The following DTX1 variants were observed in gnomAD, a reference collection of about 807,000 sequenced individuals.
The protein encoded by DTX1 is deltex E3 ubiquitin ligase 1.
In DTX1, 26 loss-of-function variants were observed where a neutral mutation model predicts 57.8. That is an observed-to-expected ratio of 0.45 (90% confidence interval 0.33 to 0.62). The LOEUF (loss-of-function observed/expected upper bound fraction) is 0.62. Among genes scored for constraint, DTX1 ranks in the 20% least tolerant of loss-of-function variants. DTX1 has a pLI of 0.02. For synonymous variants in DTX1, 398 were observed against 394.1 expected, an observed-to-expected ratio of 1.01 and a Z score of -0.12; for missense variants, 704 against 895.3, an observed-to-expected ratio of 0.79 and a Z score of 2.73.
At chr12:113,088,997 A>G (rs1407412194) in intron 3 of DTX1, among the ~76,000 whole-genome samples, 1 of 152,208 alleles carries the variant, frequency 6.6e-6, no homozygotes, top group Non-Finnish European at 1.5e-5. Flanking sequence ...CCAGGACAAC[A>G]GAGCAAGATC....
chr12:113,094,622 G>T (rs771488666), intron 6 of DTX1, among the ~76,000 whole-genome samples, 167 bp from the exon 7 acceptor site: 4 of 152,188 alleles, frequency 2.6e-5, no homozygotes, highest in Non-Finnish European at 4.4e-5. Flanking sequence ...AAGAAGAAAA[G>T]AAAATAAAAC....
At chr12:113,066,493 A>C (rs1163350399) in intron 2 of DTX1, among the ~76,000 whole-genome samples, 3 of 150,806 alleles carry the variant, frequency 2.0e-5, no homozygotes, top group Non-Finnish European at 4.4e-5. Flanking sequence ...GAGCCATTGC[A>C]CTCCAGCCTG....
chr12:113,090,450 T>C (rs1950239227), intron 3 of DTX1, among the ~76,000 whole-genome samples: 1 of 152,174 alleles, frequency 6.6e-6, no homozygotes, highest in Non-Finnish European at 1.5e-5. Context: ...ACCTCCACTC[T>C]CATCCCTGCG....
chr12:113,086,874 C>A (rs942536519), intron 3 of DTX1, among the ~76,000 whole-genome samples: 4 of 148,010 alleles, frequency 2.7e-5, no homozygotes, highest in Non-Finnish European at 6.0e-5. Flanking sequence ...GTGACTGTCA[C>A]CCCGCCTCAC....
At chr12:113,092,228 G>A (rs1194479564) in intron 3 of DTX1, among the ~76,000 whole-genome samples, 1 of 152,018 alleles carries the variant, frequency 6.6e-6, no homozygotes, top group African/African-American at 2.4e-5. Flanking sequence ...ACAGCTGACA[G>A]TGATGATACC....
Position 113,057,541 on chromosome 12 carries a change from GCGCGC to G in DTX1, c.-648_-644del, listed in dbSNP as rs2044634963. On this transcript the variant is annotated 5_prime_UTR_variant, in exon 2 of 10. Coordinates refer to ENST00000548759, the MANE Select transcript of DTX1 (RefSeq NM_004416.3). ...GCCCAGCTCCGGAGCCGCAGTCCAG[GCGCGC>G]CGCCCGAGGGTCCACGCCGCACCCC... 6.6e-6 allele frequency: 1 copy of G among 151,898 alleles called. No individual in the cohort carries two copies. Among genetic ancestry groups the G allele is most frequent in the Non-Finnish European group, 1.5e-5 (1 of 67,992 alleles). 9.4% of individuals were successfully genotyped at this position (151,898 alleles called of 1,614,324 possible).
At chr12:113,066,092 C>T (rs3825200) in intron 2 of DTX1, among the ~76,000 whole-genome samples, 61,558 of 152,060 alleles carry the variant, frequency 0.4, 16,412 homozygotes, top group African/African-American at 0.76. Flanking sequence ...TGGGTTGACA[C>T]AGACACCCCC....
chr12:113,096,833 T>A lies in DTX1; in HGVS notation c.1757T>A (p.Phe586Tyr), dbSNP rs1407184048. Residue 586 changes from phenylalanine (F) to tyrosine (Y), a missense_variant, in exon 10 of 10, where the codon TTT becomes TAT. Around this residue, in one of 3 missense-constraint regions of DTX1, gnomAD observed 168 missense variants for 255.6 expected, o/e 0.66. Transcript: ENST00000548759. Reference protein sequence around the residue: ...VWNEIHHKTEFGSNLTGHGYP... With the variant: ...VWNEIHHKTEYGSNLTGHGYP... Reference sequence around the variant, plus strand: ...AACGAGATCCACCACAAGACCGAGTTTGGATCCAACCTCACGGGCCACGGC... The same window carrying A: ...AACGAGATCCACCACAAGACCGAGTATGGATCCAACCTCACGGGCCACGGC... The A allele has an allele frequency of 6.2e-7, 1 of 1,613,922 alleles. No homozygotes were observed. The highest frequency in any genetic ancestry group is 8.5e-7 in the Non-Finnish European group (1 of 1,180,016).
intron 2 of DTX1, among the ~76,000 whole-genome samples, chr12:113,065,773 G>A (rs1358634752): frequency 1.3e-5 from 2 of 152,110 alleles, no homozygotes; most frequent in Non-Finnish European, 2.9e-5. Flanking sequence ...TGTGATGAGA[G>A]GGTGACGAGG....
At chr12:113,061,677 G>A (rs555687416) in intron 2 of DTX1, among the ~76,000 whole-genome samples, 36 of 150,810 alleles carry the variant, frequency 2.4e-4, no homozygotes, top group Non-Finnish European at 4.7e-4. Flanking sequence ...GTACAAGAGA[G>A]ACAAGCAAAA....
At position 113,094,945 on chromosome 12, in the gene DTX1, A is replaced by G; in HGVS notation, c.1384A>G (p.Lys462Glu). ...CLVAMYSNGN[K>E]DGSLQCPTCK... is the part of the protein sequence containing the mutation. ...CGTGGCCATGTACTCCAATGGCAAC[A>G]AGGTGGGTTGGGCGGGACAATGGCT... The change falls in exon 7 of 10, where the codon AAG becomes GAG. Residue 462 changes from lysine to glutamate, a missense_variant and splice_region_variant. Around this residue, in one of 3 missense-constraint regions of DTX1, gnomAD observed 168 missense variants for 255.6 expected, o/e 0.66. Coordinates refer to ENST00000548759, the MANE Select transcript of DTX1 (RefSeq NM_004416.3). 6.2e-7 allele frequency: 1 copy of G among 1,612,506 alleles called. No individual in the cohort carries two copies. Among genetic ancestry groups the G allele is most frequent in the Non-Finnish European group, 8.5e-7 (1 of 1,178,938 alleles).
chr12:113,080,020 G>T (rs909635895), intron 3 of DTX1, among the ~76,000 whole-genome samples: 1 of 152,148 alleles, frequency 6.6e-6, no homozygotes, highest in Non-Finnish European at 1.5e-5. Flanking sequence ...AGCCATGGCC[G>T]TTAGGACTAC....
Position 113,097,193 on chromosome 12 carries a change from G to A in DTX1, c.*254G>A, listed in dbSNP as rs943410991. ...CTCCCTACCAAAAAGACAGAGACCC[G>A]CCCCCTCACACACAAACACACATGT... On this transcript the variant is annotated 3_prime_UTR_variant, in exon 10 of 10. Coordinates refer to ENST00000548759, the MANE Select transcript of DTX1 (RefSeq NM_004416.3). The A allele has an allele frequency of 4.3e-5, 22 of 507,606 alleles. No individual in the cohort carries two copies. Among genetic ancestry groups the A allele is most frequent in the Admixed American group, 1.7e-4 (5 of 29,106 alleles). 31.4% of individuals were successfully genotyped at this position (507,606 alleles called of 1,614,324 possible).
At chr12:113,073,678 C>G (rs1241975303) in intron 2 of DTX1, among the ~76,000 whole-genome samples, 1 of 152,222 alleles carries the variant, frequency 6.6e-6, no homozygotes, top group Non-Finnish European at 1.5e-5. Context: ...AGAGGACAAG[C>G]TCTTTCAGCC....
Position 113,077,741 on chromosome 12 carries a change from G to A in DTX1, c.577G>A (p.Gly193Ser). 1 of 1,532,510 alleles carries A rather than the reference G, an allele frequency of 6.5e-7. No individual in the cohort carries two copies. Among genetic ancestry groups the A allele is most frequent in the Non-Finnish European group, 8.7e-7 (1 of 1,144,614 alleles). The allele number at this position is 1,532,510 out of a possible 1,614,324, so 94.9% of individuals were successfully genotyped here. Residue 193 changes from glycine to serine, a missense_variant, in exon 3 of 10, where the codon GGC becomes AGC. Around this residue, in one of 3 missense-constraint regions of DTX1, gnomAD observed 237 missense variants for 328.6 expected, o/e 0.72. Transcript: ENST00000548759. The surrounding 1 kb of genome is among the most constrained non-coding windows in gnomAD (Gnocchi z 7.8). Reference sequence around the variant, plus strand: ...CCCTAAGTCGCAGTCGTGGCCCGTGGGCGCCAGCTCGGGCCAGCCCTGCTC... The same window carrying A: ...CCCTAAGTCGCAGTCGTGGCCCGTGAGCGCCAGCTCGGGCCAGCCCTGCTC... The part of the protein sequence containing the change: ...SIPKSQSWPV[G>S]ASSGQPCSCQ...
chr12:113,093,017 T>G lies in DTX1; in HGVS notation c.942-145T>G. The G allele has an allele frequency of 1.3e-6, 1 of 743,492 alleles. No homozygotes were observed. The highest frequency in any genetic ancestry group is 2.2e-6 in the Non-Finnish European group (1 of 460,298). 46.1% of individuals were successfully genotyped at this position (743,492 alleles called of 1,614,324 possible). The stretch of plus-strand genomic sequence containing the variant: ...TAGGATGTCAGAGTAGAAAGAGAGT[T>G]TCCTGGAGGTAACTGCAGTTGGCAG... On this transcript the variant is annotated intron_variant, in intron 3 of 9. Coordinates refer to ENST00000548759, the MANE Select transcript of DTX1 (RefSeq NM_004416.3). This position sits in a 1 kb window ranked among gnomAD's most constrained non-coding sequence, Gnocchi z 4.2.
intron 2 of DTX1, among the ~76,000 whole-genome samples, chr12:113,069,824 G>A (rs1037649278): frequency 2.6e-5 from 4 of 152,140 alleles, no homozygotes; most frequent in African/African-American, 4.8e-5. Flanking sequence ...CGGAGCATTC[G>A]GTAAGGTGTT....
intron 9 of DTX1, 82 bp from the exon 10 acceptor site, chr12:113,096,632 AG>A: frequency 7.5e-7 from 1 of 1,329,454 alleles, no homozygotes; most frequent in South Asian, 1.4e-5. Flanking sequence ...ATGATGTGGC[AG>A]GGGAGGGAGG....
intron 3 of DTX1, among the ~76,000 whole-genome samples, chr12:113,090,552 T>C (rs1474745379): frequency 6.6e-6 from 1 of 152,176 alleles, no homozygotes; most frequent in Non-Finnish European, 1.5e-5. Context: ...CAGTGCTTTC[T>C]TCCCACCTCC....
Sources: gnomAD v4.1 joint callset for allele counts (sites outside exome capture counted in the v4.1 genomes callset) on GRCh38, gnomAD v4.1.1 for gene constraint, gnomAD v4.1.1 regional missense constraint, Gnocchi (gnomAD v3.1) non-coding constraint, MANE v1.5 for transcripts, NCBI Gene and HGNC (gene_info 2026-07-23, HGNC 2026-07-21) for gene names.